CDH4: variants seen among roughly 807,000 people sequenced by gnomAD.
CDH4 encodes the protein cadherin 4.
CDH4 carries 33 observed loss-of-function variants against 86.0 expected under a neutral mutation model. That is an observed-to-expected ratio of 0.38 (90% CI 0.29 to 0.51). The LOEUF (loss-of-function observed/expected upper bound fraction) is 0.51. CDH4 is among the 20% of genes least tolerant of loss of function. The probability of loss-of-function intolerance (pLI) is 0.86; values close to 1 mark genes in which losing one functional copy is unlikely to be tolerated. For synonymous variants in CDH4, 555 were observed against 549.4 expected, an observed-to-expected ratio of 1.01 and a Z score of -0.14; for missense variants, 1,114 against 1,307.4, an observed-to-expected ratio of 0.85 and a Z score of 2.28.
rs572956335 is a variant in CDH4, at chr20:61,392,414, C to A, written c.169+137477C>A. On this transcript the variant is annotated intron_variant, in intron 2 of 15. Coordinates refer to ENST00000614565, the MANE Select transcript of CDH4 (RefSeq NM_001794.5). This position sits in a 1 kb window ranked among gnomAD's most constrained non-coding sequence, Gnocchi z 5.7. ...CACCGGGATGGAACGCACGGCGCCC[C>A]GACGTGATTTTCCAGAGAACTGAGT... is the stretch of plus-strand genomic sequence containing the variant. 6.6e-6 allele frequency among the ~76,000 whole-genome samples: 1 copy of A among 152,136 alleles called. No individual in the cohort carries two copies. The highest frequency in any genetic ancestry group is 1.5e-5 in the Non-Finnish European group (1 of 68,042).
At chr20:61,819,226 A>G (rs188985435) in intron 4 of CDH4, among the ~76,000 whole-genome samples, 3 of 152,346 alleles carry the variant, frequency 2.0e-5, no homozygotes, top group Admixed American at 1.3e-4. Flanking sequence ...GGACCAAGGT[A>G]AGTGGACACG....
chr20:61,409,616 G>A (rs2085104664), intron 2 of CDH4, among the ~76,000 whole-genome samples: 1 of 152,236 alleles, frequency 6.6e-6, no homozygotes, highest in Non-Finnish European at 1.5e-5. Context: ...TAAGGACCCC[G>A]ATGCATGTCC....
At chr20:61,838,056 G>A (rs893330856) in intron 4 of CDH4, among the ~76,000 whole-genome samples, 5 of 151,794 alleles carry the variant, frequency 3.3e-5, no homozygotes, top group African/African-American at 1.2e-4. Flanking sequence ...TCTCGGGGTG[G>A]CCTTTTCTGC....
chr20:61,291,740 C>CT (rs1007720284), intron 2 of CDH4, among the ~76,000 whole-genome samples: 1 of 152,116 alleles, frequency 6.6e-6, no homozygotes, highest in Non-Finnish European at 1.5e-5. Context: ...TTTCCATTAT[C>CT]TTTTTTTTCC....
chr20:61,551,327 T>G (rs2086128258), intron 2 of CDH4, among the ~76,000 whole-genome samples: 1 of 152,262 alleles, frequency 6.6e-6, no homozygotes, highest in Non-Finnish European at 1.5e-5. Context: ...CTTGTTCTTT[T>G]ATCTGGTAAA....
At chr20:61,503,097 C>A (rs1055519219) in intron 2 of CDH4, among the ~76,000 whole-genome samples, 3 of 152,174 alleles carry the variant, frequency 2.0e-5, no homozygotes, top group Non-Finnish European at 4.4e-5. Flanking sequence ...CCCAGCAAGA[C>A]CTTGATGAGG....
chr20:61,427,633 C>A (rs1023444676), intron 2 of CDH4, among the ~76,000 whole-genome samples: 16 of 152,012 alleles, frequency 1.1e-4, no homozygotes, highest in Non-Finnish European at 1.8e-4. Flanking sequence ...GAGCAGGATT[C>A]TCTACTTGGA....
intron 2 of CDH4, among the ~76,000 whole-genome samples, chr20:61,345,901 C>A (rs1306839019): frequency 2.0e-5 from 3 of 152,178 alleles, no homozygotes; most frequent in African/African-American, 4.8e-5. Flanking sequence ...GTCAGCTCTG[C>A]GTCTTCTATT....
intron 2 of CDH4, among the ~76,000 whole-genome samples, chr20:61,271,881 C>T (rs888006524): frequency 2.0e-5 from 3 of 151,550 alleles, no homozygotes; most frequent in South Asian, 2.1e-4. Flanking sequence ...GCTGGGACTC[C>T]GGGCTGACCC....
intron 2 of CDH4, chr20:61,599,756 C>A: frequency 1.0e-6 from 1 of 983,584 alleles, no homozygotes; most frequent in Middle Eastern, 5.2e-4. Flanking sequence ...CTCTGCCTCT[C>A]CCACGCACTG....
At chr20:61,773,241 C>T in intron 4 of CDH4, 59 bp downstream of exon 4, 1 of 1,435,406 alleles carries the variant, frequency 7.0e-7, no homozygotes, top group Non-Finnish European at 9.3e-7. Context: ...AGGCTCTTCT[C>T]CCGACATCCC....
intron 7 of CDH4, among the ~76,000 whole-genome samples, chr20:61,874,415 T>C (rs1983931845): frequency 6.6e-6 from 1 of 152,188 alleles, no homozygotes; most frequent in South Asian, 2.1e-4. Flanking sequence ...TGGTTGGTGC[T>C]GGGTTCCATG....
chr20:61,565,098 GTGCTCT>G lies in CDH4; in HGVS notation c.170-178462_170-178457del, dbSNP rs1568688047. Among the ~76,000 whole-genome samples, 334 of 122,592 alleles carry G rather than the reference GTGCTCT, an allele frequency of 2.7e-3. 3 individuals carry two copies. Among genetic ancestry groups the G allele is most frequent in the South Asian group, 5.6e-3 (20 of 3,602 alleles). The allele number at this position is 122,592 out of a possible 152,430, so 80.4% of individuals were successfully genotyped here. A position where few individuals can be genotyped will look rare whatever the true frequency, so the allele number is the denominator to read the frequency against. The stretch of plus-strand genomic sequence containing the variant: ...GGTGGTGGTGGTGGTGCTCTTGGTG[GTGCTCT>G]TGGTGGTGCTGGTGCTCTTGGTGGT... On this transcript the variant is annotated intron_variant, in intron 2 of 15. Transcript: ENST00000614565.
At chr20:61,720,509 TGGAGGG>T (rs1269704698) in intron 2 of CDH4, among the ~76,000 whole-genome samples, 12 of 87,542 alleles carry the variant, frequency 1.4e-4, no homozygotes, top group African/African-American at 5.5e-4. Flanking sequence ...GGATGCAGAG[TGGAGGG>T]GTACAGAGTG....
At chr20:61,438,454 C>A (rs116698710) in intron 2 of CDH4, among the ~76,000 whole-genome samples, 1 of 152,090 alleles carries the variant, frequency 6.6e-6, no homozygotes, top group Non-Finnish European at 1.5e-5. Context: ...CAGTTGGACA[C>A]GTTTTGCTAT....
intron 2 of CDH4, among the ~76,000 whole-genome samples, chr20:61,595,710 C>T (rs901756960): frequency 2.6e-5 from 4 of 152,194 alleles, no homozygotes; most frequent in Admixed American, 6.5e-5. Context: ...ATACTAGAGG[C>T]GGCCCGTCTG....
intron 3 of CDH4, among the ~76,000 whole-genome samples, chr20:61,753,685 G>C (rs11905968): frequency 0.32 from 48,670 of 152,024 alleles, 8,704 homozygotes; most frequent in African/African-American, 0.48. Flanking sequence ...CTGTGGGTAT[G>C]GTTTGCAAAA....
chr20:61,534,960 C>T (rs1196131968), intron 2 of CDH4, among the ~76,000 whole-genome samples: 1 of 152,078 alleles, frequency 6.6e-6, no homozygotes, highest in African/African-American at 2.4e-5. Flanking sequence ...GCCTGCTCAT[C>T]CTGGATCCAT....
chr20:61,890,523 G>C (rs1984774547), intron 7 of CDH4, among the ~76,000 whole-genome samples: 1 of 151,738 alleles, frequency 6.6e-6, no homozygotes, highest in South Asian at 2.1e-4. Flanking sequence ...ATGCTGGACA[G>C]GTGGATGGAT....
Sources: gnomAD v4.1 joint callset for allele counts (sites outside exome capture counted in the v4.1 genomes callset) on GRCh38, gnomAD v4.1.1 for gene constraint, Gnocchi (gnomAD v3.1) non-coding constraint, MANE v1.5 for transcripts, NCBI Gene and HGNC (gene_info 2026-07-23, HGNC 2026-07-21) for gene names.